Variants in MYO7B observed in about 807,000 individuals in gnomAD.
The protein encoded by MYO7B is myosin VIIB.
A neutral mutation model predicts 259.7 loss-of-function variants in MYO7B; 212 were observed. The observed-to-expected ratio is 0.82, with a 90% CI of 0.73 to 0.91. The LOEUF is 0.91. Ranked by LOEUF, MYO7B falls within the 40% of genes least tolerant of loss-of-function variation. The pLI is 0.00. For synonymous variants in MYO7B, 1,197 were observed against 1,166.4 expected (o/e 1.03, Z -0.54); for missense variants, 2,732 against 2,813.5 (o/e 0.97, Z 0.66).
intron 42 of MYO7B, 128 bp downstream of exon 42, chr2:127,634,811 C>A: frequency 1.1e-6 from 1 of 949,686 alleles, no homozygotes; most frequent in Non-Finnish European, 1.6e-6. Context: ...GTTGTGGGAA[C>A]AACCAGGCCC....
intron 9 of MYO7B, 100 bp from the exon 10 acceptor site, chr2:127,580,646 C>T: frequency 8.5e-7 from 1 of 1,177,542 alleles, no homozygotes; most frequent in Non-Finnish European, 1.2e-6. Flanking sequence ...AGCTGTCCTC[C>T]TGAGTGGATC....
intron 22 of MYO7B, 74 bp downstream of exon 22, chr2:127,608,952 C>T: frequency 1.3e-6 from 2 of 1,518,392 alleles, no homozygotes; most frequent in South Asian, 1.2e-5. Context: ...GAACTCAGTC[C>T]ACCTCTCGGC....
chr2:127,596,652 T>G, intron 19 of MYO7B, 96 bp downstream of exon 19: 1 of 1,023,930 alleles, frequency 9.8e-7, no homozygotes, highest in Non-Finnish European at 1.5e-6. Context: ...ATGTTCCCGC[T>G]GGGCCCTCCC....
Position 127,636,442 on chromosome 2 carries a change from G to A in MYO7B, c.6124-103G>A, listed in dbSNP as rs1681811817. 1.4e-6 allele frequency: 2 copies of A among 1,422,660 alleles called. No homozygotes were observed. The highest frequency in any genetic ancestry group is 2.0e-6 in the Non-Finnish European group (2 of 1,022,278). 88.1% of individuals were successfully genotyped at this position (1,422,660 alleles called of 1,614,324 possible). A position where few individuals can be genotyped will look rare whatever the true frequency, so the allele number is the denominator to read the frequency against. ...GTGGGGCTGGCCGTGAGGCTGGAGG[G>A]CGTGGGTGTATGTGTGTATGTGCGT... On this transcript the variant is annotated intron_variant, in intron 45 of 47. Coordinates refer to ENST00000409816, the MANE Select transcript of MYO7B (RefSeq NM_001393586.1). This position sits in a 1 kb window ranked among gnomAD's most constrained non-coding sequence, Gnocchi z 4.5.
chr2:127,631,903 C>T (rs1313659632), intron 38 of MYO7B, 150 bp downstream of exon 38: 4 of 1,121,744 alleles, frequency 3.6e-6, no homozygotes, highest in Non-Finnish European at 3.7e-6. Flanking sequence ...GGGTTGGGCC[C>T]TTGGTCTGCT....
In MYO7B at chr2:127,571,442, GTTTTT is replaced by G; in HGVS notation, c.592+1545_592+1549del. ...AATTGGTCTATTTCCTTACCAGTGA[GTTTTT>G]TTTTTTTTTTTTGCTTGTTTGTTTT... On this transcript the variant is annotated intron_variant, in intron 6 of 47. Transcript: ENST00000409816. Among the ~76,000 whole-genome samples, 10 of 41,984 alleles carry G rather than the reference GTTTTT, an allele frequency of 2.4e-4. 1 individual carries two copies. Among genetic ancestry groups the G allele is most frequent in the Non-Finnish European group, 4.1e-4 (9 of 21,902 alleles). The allele number at this position is 41,984 out of a possible 152,430, so 27.5% of individuals were successfully genotyped here.
rs1692745889 is a variant in MYO7B at position 127,535,707 on chromosome 2, CTCT to C, written c.-142_-140del. 3 of 152,268 alleles carry C rather than the reference CTCT, an allele frequency of 2.0e-5. No individual in the cohort carries two copies. In the South Asian group the frequency reaches 6.2e-4, roughly 32 times the overall value. 9.4% of individuals were successfully genotyped at this position (152,268 alleles called of 1,614,324 possible). A position where few individuals can be genotyped will look rare whatever the true frequency, so the allele number is the denominator to read the frequency against. ...CAGTCATTTCCTCTTGGAGCCCTACCTCTTCTTCCTCTGTCCCTTACTCCCTGA... is the reference window on the plus strand; with the variant it reads ...CAGTCATTTCCTCTTGGAGCCCTACCTCTTCCTCTGTCCCTTACTCCCTGA... On this transcript the variant is annotated 5_prime_UTR_variant, in exon 1 of 48. Coordinates refer to ENST00000409816, the MANE Select transcript of MYO7B (RefSeq NM_001393586.1). The surrounding 1 kb of genome is among the most constrained non-coding windows in gnomAD (Gnocchi z 4.8).
At chr2:127,555,609 C>A (rs1300979596) in intron 1 of MYO7B, among the ~76,000 whole-genome samples, 1 of 152,102 alleles carries the variant, frequency 6.6e-6, no homozygotes, top group Non-Finnish European at 1.5e-5. Context: ...TATTATCGTT[C>A]AGTTTGAAGC....
intron 31 of MYO7B, chr2:127,625,931 C>A (rs1558845966): frequency 5.0e-6 from 1 of 200,042 alleles, no homozygotes. Context: ...TGCATGGGAA[C>A]CCCCCAGGCC....
At chr2:127,634,769 TCATC>T in intron 42 of MYO7B, 86 bp downstream of exon 42, 1 of 1,253,478 alleles carries the variant, frequency 8.0e-7, no homozygotes, top group Non-Finnish European at 1.1e-6. Flanking sequence ...CCATGCCCAT[TCATC>T]CATCCATTCG....
chr2:127,554,265 G>C (rs1194057524), intron 1 of MYO7B, among the ~76,000 whole-genome samples: 2 of 152,026 alleles, frequency 1.3e-5, no homozygotes, highest in Non-Finnish European at 1.5e-5. Context: ...GTAGAGACAG[G>C]GTTTCTCCAT....
chr2:127,553,870 A>G (rs1693542236), intron 1 of MYO7B, among the ~76,000 whole-genome samples: 1 of 152,110 alleles, frequency 6.6e-6, no homozygotes, highest in Non-Finnish European at 1.5e-5. Flanking sequence ...CTTTTCCCCA[A>G]TCAGTATTAT....
At chr2:127,626,228 G>T (rs1334814511) in intron 31 of MYO7B, 2 of 152,324 alleles carry the variant, frequency 1.3e-5, no homozygotes, top group Non-Finnish European at 2.9e-5. Context: ...GTCCCCGAGA[G>T]AGGCCCCCAG....
chr2:127,628,488 A>G lies in MYO7B; in HGVS notation c.4577A>G (p.Lys1526Arg). The G allele has an allele frequency of 6.7e-7, 1 of 1,491,626 alleles. No homozygotes were observed. The allele number at this position is 1,491,626 out of a possible 1,614,324, so 92.4% of individuals were successfully genotyped here. ...GTGGCCCTGTTCCTGGAGGGCCTGA[A>G]GGAGAGGTCCATTTTCGCCATGGCC... ...ELVALFLEGLKERSIFAMALQ... is the reference protein window; with the variant it reads ...ELVALFLEGLRERSIFAMALQ... The change falls in exon 34 of 48, where the codon AAG becomes AGG. Residue 1526 changes from lysine (K) to arginine (R), a missense_variant. Lys to Arg is a conservative substitution (Grantham distance 26). Around this residue, in one of 3 missense-constraint regions of MYO7B, gnomAD observed 1,906 missense variants for 2,026.4 expected, o/e 0.94. Coordinates refer to ENST00000409816, the MANE Select transcript of MYO7B (RefSeq NM_001393586.1). The surrounding 1 kb of genome is among the most constrained non-coding windows in gnomAD (Gnocchi z 4.8).
chr2:127,631,256 C>CCCGTGG lies in MYO7B; in HGVS notation c.4991_4996dup (p.Arg1664_Gly1665dup). 3 of 1,611,080 alleles carry CCCGTGG rather than the reference C, an allele frequency of 1.9e-6. No homozygotes were observed. Among genetic ancestry groups the CCCGTGG allele is most frequent in the Non-Finnish European group, 2.5e-6 (3 of 1,178,710 alleles). On this transcript the variant is annotated inframe_insertion, in exon 37 of 48. Transcript: ENST00000409816. The stretch of plus-strand genomic sequence containing the variant: ...ATGGCCGTGCTGCCCCTGGCCCGTG[C>CCCGTGG]CCGTGGCCACCTGTGGGCCTATTCC...
In MYO7B at chr2:127,573,904, G is replaced by A. The variant is rs114764571; in HGVS notation, c.593-16G>A. The A allele has an allele frequency of 0.021, 33,751 of 1,613,804 alleles. 457 individuals are homozygous for A. The highest frequency in any genetic ancestry group is 0.025 in the Non-Finnish European group (29,588 of 1,179,742). On this transcript the variant is annotated splice_polypyrimidine_tract_variant and intron_variant, in intron 6 of 47. Coordinates refer to ENST00000409816, the MANE Select transcript of MYO7B (RefSeq NM_001393586.1). ...CCTCTCTGCTCCCATCATGGGCATCGCCCGCTTACCTTCAGCCTTTGGAAA... is the reference window on the plus strand; with the variant it reads ...CCTCTCTGCTCCCATCATGGGCATCACCCGCTTACCTTCAGCCTTTGGAAA...
At chr2:127,583,881 G>A (rs1291896983) in intron 12 of MYO7B, among the ~76,000 whole-genome samples, 1 of 152,226 alleles carries the variant, frequency 6.6e-6, no homozygotes, top group African/African-American at 2.4e-5. Flanking sequence ...ATGATATGCT[G>A]AGCCTCCTCG....
chr2:127,634,347 G>T, intron 41 of MYO7B, 58 bp downstream of exon 41: 1 of 1,323,364 alleles, frequency 7.6e-7, no homozygotes, highest in East Asian at 2.5e-5. Context: ...CGAGGCCCTA[G>T]GTGCTGCCTG....
rs372873765 is a variant in MYO7B at position 127,609,917 on chromosome 2, C to T, written c.3093C>T (p.Ala1031=). ...ATCTCCCAGAGCCAGTGCTGTATGCCAGGAGCAGCCAGCAGGGCAGCTCAG... is the reference window on the plus strand; with the variant it reads ...ATCTCCCAGAGCCAGTGCTGTATGCTAGGAGCAGCCAGCAGGGCAGCTCAG... The part of the protein sequence containing the change: ...MGDLPEPVLY[A]RSSQQGSSVM... The change falls in exon 24 of 48, where the codon GCC becomes GCT. Residue 1031 remains alanine (A), a synonymous_variant. Coordinates refer to ENST00000409816, the MANE Select transcript of MYO7B (RefSeq NM_001393586.1). This position sits in a 1 kb window ranked among gnomAD's most constrained non-coding sequence, Gnocchi z 6.9. 38 of 1,609,836 alleles carry T rather than the reference C, an allele frequency of 2.4e-5. No individual in the cohort carries two copies. Among genetic ancestry groups the T allele is most frequent in the Non-Finnish European group, 3.1e-5 (36 of 1,178,036 alleles).
Sources: allele counts gnomAD v4.1 joint callset (sites outside exome capture counted in the v4.1 genomes callset), GRCh38; gene constraint gnomAD v4.1.1; regional missense constraint gnomAD v4.1.1; non-coding constraint Gnocchi (gnomAD v3.1); transcripts MANE v1.5; gene names NCBI Gene and HGNC (gene_info 2026-07-23, HGNC 2026-07-21).